The following SMARCA4 variants were observed in gnomAD, a reference collection of about 807,000 sequenced individuals.
SMARCA4 encodes SWI/SNF-related matrix-associated actin-dependent regulator of chromatin subfamily A member 4.
Under a neutral mutation model 193.9 loss-of-function variants are expected in SMARCA4, and 31 were observed. That is an observed-to-expected ratio of 0.16 (90% confidence interval 0.12 to 0.22). The LOEUF (loss-of-function observed/expected upper bound fraction) is 0.22, where lower values mean the gene tolerates loss of function less well. Among genes scored for constraint, SMARCA4 ranks in the 10% least tolerant of loss-of-function variants. The pLI is 1.00. For synonymous variants in SMARCA4, 942 were observed against 933.1 expected (o/e 1.01, Z -0.17); for missense variants, 1,148 against 2,296.0 (o/e 0.50, Z 10.22).
chr19:10,981,978 ACT>A (rs1451669365), intron 1 of SMARCA4, among the ~76,000 whole-genome samples: 1 of 152,120 alleles, frequency 6.6e-6, no homozygotes, highest in East Asian at 1.9e-4. Context: ...ATAGAGTAAG[ACT>A]CTGTATACAA....
In SMARCA4 at chr19:11,060,236, T is replaced by TC. The variant is rs1299084508; in HGVS notation, c.4911+52dup. 5 of 1,547,438 alleles carry TC rather than the reference T, an allele frequency of 3.2e-6. No individual in the cohort carries two copies. The African/African-American group carries it at 6.9e-5, about 21-fold the overall frequency. The stretch of plus-strand genomic sequence containing the variant: ...CAGAGCTGGCATGTGGCAGGAGGCA[T>TC]CCCGGGGCCCTGATGGGACAGCCCT... On this transcript the variant is annotated intron_variant, in intron 34 of 34. Transcript: ENST00000344626.
chr19:10,989,784 C>T (rs74522500), intron 7 of SMARCA4, among the ~76,000 whole-genome samples: 4,252 of 151,862 alleles, frequency 0.028, 92 homozygotes, highest in Non-Finnish European at 0.041. Flanking sequence ...TCACTGCAAC[C>T]AACGCCTCCT....
chr19:10,963,385 A>AG (rs2083959970), intron 1 of SMARCA4, among the ~76,000 whole-genome samples: 1 of 151,170 alleles, frequency 6.6e-6, no homozygotes, highest in Non-Finnish European at 1.5e-5. Context: ...AAAAAAAAAA[A>AG]AAAAAAGAAA....
intron 29 of SMARCA4, chr19:11,040,079 C>T (rs1357765259): frequency 1.3e-5 from 2 of 151,980 alleles, no homozygotes; most frequent in African/African-American, 4.8e-5. Context: ...GACTGCGTCT[C>T]AACAACAACA....
intron 11 of SMARCA4, among the ~76,000 whole-genome samples, chr19:11,002,035 A>G (rs1488880105): frequency 6.6e-6 from 1 of 152,210 alleles, no homozygotes; most frequent in Non-Finnish European, 1.5e-5. Context: ...TGTAAATTAT[A>G]TAACCGTTAG....
At chr19:11,046,736 C>A (rs774476743) in intron 30 of SMARCA4, among the ~76,000 whole-genome samples, 14 of 152,032 alleles carry the variant, frequency 9.2e-5, no homozygotes, top group Non-Finnish European at 1.8e-4. Context: ...CTTGTGGATC[C>A]CTTGAGACCA....
At chr19:11,021,518 C>T in intron 18 of SMARCA4, 1 of 711,098 alleles carries the variant, frequency 1.4e-6, no homozygotes, top group South Asian at 1.5e-5. Flanking sequence ...ACGGGCCTGT[C>T]TCTGCCCAAG....
intron 18 of SMARCA4, chr19:11,021,408 G>A (rs1426408923): frequency 3.3e-5 from 15 of 450,708 alleles, no homozygotes; most frequent in Admixed American, 1.5e-4. Context: ...GAACGTGCTC[G>A]GCATTTTTCT....
At position 11,019,488 on chromosome 19, in the gene SMARCA4, C is replaced by T; in HGVS notation, c.2506-103C>T. The T allele has an allele frequency of 1.3e-6, 1 of 744,870 alleles. No individual in the cohort carries two copies. The highest frequency in any genetic ancestry group is 2.4e-6 in the Non-Finnish European group (1 of 421,242). 46.1% of individuals were successfully genotyped at this position (744,870 alleles called of 1,614,324 possible). A position where few individuals can be genotyped will look rare whatever the true frequency, so the allele number is the denominator to read the frequency against. Reference sequence around the variant, plus strand: ...CCCACTACCCCTGTGAGGACGAGCCCTCCCGCCGTGTCACTGGGCAGTTGC... The same window carrying T: ...CCCACTACCCCTGTGAGGACGAGCCTTCCCGCCGTGTCACTGGGCAGTTGC... On this transcript the variant is annotated intron_variant, in intron 17 of 34. Coordinates refer to ENST00000344626, the MANE Select transcript of SMARCA4 (RefSeq NM_003072.5). The surrounding 1 kb of genome is among the most constrained non-coding windows in gnomAD (Gnocchi z 6.1).
At chr19:11,012,190 G>C (rs1035415114) in intron 15 of SMARCA4, among the ~76,000 whole-genome samples, 6 of 152,104 alleles carry the variant, frequency 3.9e-5, no homozygotes, top group Non-Finnish European at 7.4e-5. Flanking sequence ...TGGCCAACAT[G>C]ATGAGACCCT....
rs58337074 is a variant in SMARCA4 at position 11,058,093 on chromosome 19, C to T, written c.4425-162C>T. Among the ~76,000 whole-genome samples, 10,580 of 146,512 alleles carry T rather than the reference C, an allele frequency of 0.072. 603 individuals are homozygous for T. Among genetic ancestry groups the T allele is most frequent in the African/African-American group, 0.16 (6,431 of 40,368 alleles). On this transcript the variant is annotated intron_variant, in intron 30 of 34. Transcript: ENST00000344626. This position sits in a 1 kb window ranked among gnomAD's most constrained non-coding sequence, Gnocchi z 5.8. ...TGCACTCCAGCCTGGGCAGCAAGAG[C>T]GAAACTCCGTCTCAAAAAAAAAAAA...
At chr19:10,976,267 G>T (rs894121201) in intron 1 of SMARCA4, among the ~76,000 whole-genome samples, 2 of 152,178 alleles carry the variant, frequency 1.3e-5, no homozygotes, top group Non-Finnish European at 2.9e-5. Flanking sequence ...GGCCGTGCTC[G>T]TTTGGCCTTC....
At chr19:10,968,269 T>A (rs1313977218) in intron 1 of SMARCA4, among the ~76,000 whole-genome samples, 1 of 152,216 alleles carries the variant, frequency 6.6e-6, no homozygotes, top group East Asian at 1.9e-4. Context: ...ATTACAGGCA[T>A]GAGCCACCAC....
Position 10,987,057 on chromosome 19 carries a change from C to A in SMARCA4, c.859+54C>A, listed in dbSNP as rs2145800637. 7.7e-7 allele frequency: 1 copy of A among 1,299,684 alleles called. No individual in the cohort carries two copies. The highest frequency in any genetic ancestry group is 1.1e-6 in the Non-Finnish European group (1 of 910,584). 80.5% of individuals were successfully genotyped at this position (1,299,684 alleles called of 1,614,324 possible). A position where few individuals can be genotyped will look rare whatever the true frequency, so the allele number is the denominator to read the frequency against. ...CCGTGCCCTTACTCCCCATCTCAAG[C>A]TTGGGTCCTTGAGATGAGCTTTGTC... is the stretch of plus-strand genomic sequence containing the variant. On this transcript the variant is annotated intron_variant, in intron 5 of 34. Coordinates refer to ENST00000344626, the MANE Select transcript of SMARCA4 (RefSeq NM_003072.5). The surrounding 1 kb of genome is among the most constrained non-coding windows in gnomAD (Gnocchi z 5.3).
rs780905618 is a variant in SMARCA4, at chr19:11,019,733, T to C, written c.2616+32T>C. On this transcript the variant is annotated intron_variant, in intron 18 of 34. Coordinates refer to ENST00000344626, the MANE Select transcript of SMARCA4 (RefSeq NM_003072.5). The surrounding 1 kb of genome is among the most constrained non-coding windows in gnomAD (Gnocchi z 6.1). ...TGTCCCTGTGGGAAATGCCAGGCCA[T>C]GGGCCGAGTGCTCACACGTGGGTCA... is the stretch of plus-strand genomic sequence containing the variant. The C allele has an allele frequency of 4.1e-6, 6 of 1,477,814 alleles. No individual in the cohort carries two copies. In the African/African-American group the frequency reaches 5.5e-5, roughly 14 times the overall value. The allele number at this position is 1,477,814 out of a possible 1,614,324, so 91.5% of individuals were successfully genotyped here. A position where few individuals can be genotyped will look rare whatever the true frequency, so the allele number is the denominator to read the frequency against.
intron 30 of SMARCA4, among the ~76,000 whole-genome samples, chr19:11,051,415 C>G (rs542140513): frequency 1.3e-5 from 2 of 152,254 alleles, no homozygotes; most frequent in East Asian, 3.9e-4. Flanking sequence ...GGAGCAGCCC[C>G]CTGCCTTGAG....
chr19:11,006,893 T>G (rs2088265244), intron 13 of SMARCA4, among the ~76,000 whole-genome samples: 1 of 151,740 alleles, frequency 6.6e-6, no homozygotes, highest in Non-Finnish European at 1.5e-5. Flanking sequence ...GAGACCAGCC[T>G]GGGCAACATA....
chr19:11,038,835 T>C (rs917702930), intron 29 of SMARCA4, among the ~76,000 whole-genome samples: 6 of 152,208 alleles, frequency 3.9e-5, no homozygotes, highest in African/African-American at 1.4e-4. Flanking sequence ...TTAATATTGT[T>C]CATATTCATG....
rs1386942459 is a variant in SMARCA4 at position 10,991,370 on chromosome 19, C to G, written c.1419+47C>G. ...GCCCTGCAGCCCGCCCACCTGGCTGCCTGGCTTGTCCAGCGGTTGCCACGG... is the reference window on the plus strand; with the variant it reads ...GCCCTGCAGCCCGCCCACCTGGCTGGCTGGCTTGTCCAGCGGTTGCCACGG... On this transcript the variant is annotated intron_variant, in intron 8 of 34. Transcript: ENST00000344626. The G allele has an allele frequency of 7.1e-6, 11 of 1,554,962 alleles. No homozygotes were observed. In the South Asian group the frequency reaches 1.3e-4, roughly 18 times the overall value.
Sources: gnomAD v4.1 joint callset for allele counts (sites outside exome capture counted in the v4.1 genomes callset) on GRCh38, gnomAD v4.1.1 for gene constraint, Gnocchi (gnomAD v3.1) non-coding constraint, MANE v1.5 for transcripts, NCBI Gene and HGNC (gene_info 2026-07-23, HGNC 2026-07-21) for gene names.